The following CLINT1 variants were observed in gnomAD, a reference collection of about 807,000 sequenced individuals.
CLINT1 encodes the protein clathrin interacting protein localized in the trans-Golgi region.
In CLINT1, 15 loss-of-function variants were observed where a neutral mutation model predicts 70.4. The ratio of observed to expected loss-of-function variants is 0.21; its 90% CI spans 0.14 to 0.33. The LOEUF (loss-of-function observed/expected upper bound fraction) is 0.33. Among genes scored for constraint, CLINT1 ranks in the 10% least tolerant of loss-of-function variants. The pLI, the probability that CLINT1 is intolerant of heterozygous loss-of-function variation, is 1.00. For synonymous variants in CLINT1, 227 were observed against 254.7 expected, an observed-to-expected ratio of 0.89 and a Z score of 1.04; for missense variants, 615 against 778.1, an observed-to-expected ratio of 0.79 and a Z score of 2.49.
rs34211902 is a variant in CLINT1 at position 157,857,224 on chromosome 5, C to CAA, written c.41+1704_41+1705dup. Among the ~76,000 whole-genome samples, 1,051 of 120,658 alleles carry CAA rather than the reference C, an allele frequency of 8.7e-3. 9 individuals are homozygous for CAA. Among genetic ancestry groups the CAA allele is most frequent in the Non-Finnish European group, 0.014 (803 of 57,764 alleles). 79.2% of individuals were successfully genotyped at this position (120,658 alleles called of 152,430 possible). Reference sequence around the variant, plus strand: ...AACACACAAAAGAATGAGACCCCATCAAAAAAAAAAAAAAAAAAGGTAGCT... The same window carrying CAA: ...AACACACAAAAGAATGAGACCCCATCAAAAAAAAAAAAAAAAAAAAGGTAGCT... On this transcript the variant is annotated intron_variant, in intron 1 of 11. Coordinates refer to ENST00000411809, the MANE Select transcript of CLINT1 (RefSeq NM_014666.4).
In CLINT1 at chr5:157,858,984, G is replaced by C. The variant is rs11545484; in HGVS notation, c.-14C>G. 6.2e-7 allele frequency: 1 copy of C among 1,609,072 alleles called. No homozygotes were observed. Among genetic ancestry groups the C allele is most frequent in the Non-Finnish European group, 8.5e-7 (1 of 1,177,722 alleles). ...CATGTTCAACATCGTGCCCCGCGCG[G>C]GACGGTCCGCCGCCTCCCTCTCCTG... is the stretch of plus-strand genomic sequence containing the variant. On this transcript the variant is annotated 5_prime_UTR_variant, in exon 1 of 12. Coordinates refer to ENST00000411809, the MANE Select transcript of CLINT1 (RefSeq NM_014666.4).
intron 1 of CLINT1, among the ~76,000 whole-genome samples, chr5:157,850,277 TC>T (rs900389614): frequency 6.6e-6 from 1 of 152,140 alleles, no homozygotes; most frequent in African/African-American, 2.4e-5. Context: ...AGGCCATCCT[TC>T]AAAGCCCCAT....
intron 8 of CLINT1, chr5:157,796,180 A>G (rs1762061034): frequency 2.0e-5 from 3 of 152,198 alleles, no homozygotes; most frequent in South Asian, 4.1e-4. Flanking sequence ...AATGCATGGG[A>G]AAAAAATAGC....
intron 1 of CLINT1, among the ~76,000 whole-genome samples, chr5:157,822,113 G>A (rs1158402333): frequency 6.6e-6 from 1 of 152,038 alleles, no homozygotes; most frequent in Non-Finnish European, 1.5e-5. Context: ...ATTCCCACGT[G>A]TTGTGGGAGG....
rs1278968716 is a variant in CLINT1, at chr5:157,813,078, C to T, written c.502G>A (p.Gly168Arg). 4 of 1,613,602 alleles carry T rather than the reference C, an allele frequency of 2.5e-6. No individual in the cohort carries two copies. The African/African-American group carries it at 4.0e-5, about 16-fold the overall frequency. ...TGATACTCACTGTATCTGAATCCTC[C>T]AACACTGTCTGAGGAAACCCCAACA... ...KYVGVSSDSVGGFRYSERYDP... is the reference protein window; with the variant it reads ...KYVGVSSDSVRGFRYSERYDP... Residue 168 changes from glycine (G) to arginine (R), a missense_variant, in exon 5 of 12, where the codon GGA (glycine) becomes AGA (arginine). Coordinates refer to ENST00000411809, the MANE Select transcript of CLINT1 (RefSeq NM_014666.4).
chr5:157,848,829 T>G (rs575748100), intron 1 of CLINT1, among the ~76,000 whole-genome samples: 1 of 150,466 alleles, frequency 6.6e-6, no homozygotes, highest in Admixed American at 6.6e-5. Flanking sequence ...GCCCAGCTAA[T>G]TTTTGTATTT....
chr5:157,853,919 C>G (rs966332429), intron 1 of CLINT1, among the ~76,000 whole-genome samples: 1 of 151,964 alleles, frequency 6.6e-6, no homozygotes, highest in Non-Finnish European at 1.5e-5. Flanking sequence ...GAAAATTACC[C>G]CTAAGAAATG....
At chr5:157,789,287 T>C (rs1761830555) in intron 11 of CLINT1, 76 bp downstream of exon 11, 6 of 1,191,884 alleles carry the variant, frequency 5.0e-6, no homozygotes, top group African/African-American at 1.5e-5. Flanking sequence ...TTTTTATTTA[T>C]AGTTTGAAGT....
chr5:157,847,935 CTT>C (rs1304893500), intron 1 of CLINT1, among the ~76,000 whole-genome samples: 2 of 152,146 alleles, frequency 1.3e-5, no homozygotes, highest in Non-Finnish European at 2.9e-5. Context: ...ACCTCAGCCT[CTT>C]GAGTAGCTGA....
At chr5:157,850,035 T>C (rs1036218796) in intron 1 of CLINT1, among the ~76,000 whole-genome samples, 1 of 152,044 alleles carries the variant, frequency 6.6e-6, no homozygotes, top group South Asian at 2.1e-4. Flanking sequence ...GTGCATACTA[T>C]GTAATACAGG....
chr5:157,839,293 C>G (rs1055962185), intron 1 of CLINT1, among the ~76,000 whole-genome samples: 1 of 151,732 alleles, frequency 6.6e-6, no homozygotes, highest in Non-Finnish European at 1.5e-5. Flanking sequence ...AGTATCATCA[C>G]CACACTTCCA....
intron 1 of CLINT1, among the ~76,000 whole-genome samples, chr5:157,857,031 C>T (rs1287489513): frequency 1.3e-5 from 2 of 152,082 alleles, no homozygotes; most frequent in Admixed American, 6.5e-5. Context: ...AAATTTGGTC[C>T]TCTAAGAGAA....
chr5:157,829,689 ATTTTTTTTTTTTT>A (rs3075709), intron 1 of CLINT1, among the ~76,000 whole-genome samples: 2 of 109,148 alleles, frequency 1.8e-5, no homozygotes, highest in Non-Finnish European at 3.6e-5. Context: ...ACACCCAGCT[ATTTTTTTTTTTTT>A]TTTTTTTTTT....
At chr5:157,837,163 A>G (rs1475652502) in intron 1 of CLINT1, among the ~76,000 whole-genome samples, 1 of 152,174 alleles carries the variant, frequency 6.6e-6, no homozygotes, top group Non-Finnish European at 1.5e-5. Flanking sequence ...GCACTTTGGG[A>G]GGCTGAGGCA....
intron 1 of CLINT1, among the ~76,000 whole-genome samples, chr5:157,830,757 C>CTCTCTCTCTCTCT (rs1561662736): frequency 3.4e-5 from 3 of 87,408 alleles, no homozygotes; most frequent in African/African-American, 4.7e-5. Flanking sequence ...CCTCTCTCTC[C>CTCTCTCTCTCTCT]CTCTCTCTCT....
chr5:157,838,005 T>C (rs1161464836), intron 1 of CLINT1, among the ~76,000 whole-genome samples: 1 of 152,142 alleles, frequency 6.6e-6, no homozygotes, highest in Admixed American at 6.6e-5. Context: ...AACTTAACAT[T>C]TGTCCTACTT....
At chr5:157,852,129 T>C (rs1753597541) in intron 1 of CLINT1, among the ~76,000 whole-genome samples, 2 of 152,224 alleles carry the variant, frequency 1.3e-5, no homozygotes, top group Admixed American at 6.5e-5. Context: ...TCTTTTTATG[T>C]TTTAGTAATG....
intron 1 of CLINT1, among the ~76,000 whole-genome samples, chr5:157,834,499 G>T (rs1763352605): frequency 1.3e-5 from 2 of 152,136 alleles, no homozygotes; most frequent in African/African-American, 4.8e-5. Context: ...AGTCCTAATT[G>T]AACTGGTAAT....
chr5:157,816,491 T>C (rs1762726754), intron 3 of CLINT1, among the ~76,000 whole-genome samples: 1 of 152,172 alleles, frequency 6.6e-6, no homozygotes, highest in Non-Finnish European at 1.5e-5. Context: ...ACAAACATTT[T>C]AGTAGGAAAA....
Sources: gnomAD v4.1 joint callset for allele counts (sites outside exome capture counted in the v4.1 genomes callset) on GRCh38, gnomAD v4.1.1 for gene constraint, MANE v1.5 for transcripts, NCBI Gene and HGNC (gene_info 2026-07-23, HGNC 2026-07-21) for gene names.